The following THRB variants were observed in gnomAD, a reference collection of about 807,000 sequenced individuals.
THRB encodes thyroid hormone receptor beta, also known as nuclear receptor subfamily 1 group A member 2.
In THRB, 12 loss-of-function variants were observed where a neutral mutation model predicts 47.8. That is an observed-to-expected ratio of 0.25 (90% CI 0.16 to 0.41). The LOEUF is 0.41. Among genes scored for constraint, THRB ranks in the 10% least tolerant of loss-of-function variants. THRB has a pLI of 1.00. For synonymous variants in THRB, 218 were observed against 212.2 expected (o/e 1.03, Z -0.24); for missense variants, 348 against 589.2 (o/e 0.59, Z 4.24).
chr3:24,293,363 T>A (rs1210968288), intron 3 of THRB, among the ~76,000 whole-genome samples: 1 of 152,128 alleles, frequency 6.6e-6, no homozygotes, highest in Non-Finnish European at 1.5e-5. Context: ...GAGAAAGGAA[T>A]GAAAATCAAC....
At chr3:24,442,067 C>G (rs1560195734) in intron 1 of THRB, among the ~76,000 whole-genome samples, 1 of 151,948 alleles carries the variant, frequency 6.6e-6, no homozygotes, top group African/African-American at 2.4e-5. Flanking sequence ...CTGTAGTATC[C>G]TTTTTTCAGG....
intron 1 of THRB, chr3:24,459,007 G>C (rs535963301): frequency 6.6e-6 from 1 of 151,300 alleles, no homozygotes; most frequent in South Asian, 2.1e-4. Flanking sequence ...TGTGCAGAAC[G>C]TGCAGTTTTG....
chr3:24,136,377 AATCT>A (rs1192557486), intron 8 of THRB, among the ~76,000 whole-genome samples: 4 of 152,306 alleles, frequency 2.6e-5, no homozygotes, highest in East Asian at 1.9e-4. Context: ...AACAAAAAAG[AATCT>A]ATCTATCTGT....
rs147303918 is a variant in THRB, at chr3:24,467,597, T to A, written c.-261+27055A>T. ...TAGCAGACATGAAACAAAATTAATC[T>A]CTTTGTGAATCTTCATCACAGCTCT... is the stretch of plus-strand genomic sequence containing the variant. On this transcript the variant is annotated intron_variant, in intron 1 of 10. Transcript: ENST00000646209. 7.9e-5 allele frequency among the ~76,000 whole-genome samples: 12 copies of A among 152,324 alleles called. No individual in the cohort carries two copies. The East Asian group carries it at 2.3e-3, about 29-fold the overall frequency.
intron 7 of THRB, chr3:24,143,945 TC>T: frequency 1.8e-6 from 1 of 569,450 alleles, no homozygotes; most frequent in Non-Finnish European, 3.1e-6. Context: ...CAAAACAAAG[TC>T]CCCAGAGAAC....
chr3:24,385,522 C>T (rs2066032003), intron 1 of THRB, among the ~76,000 whole-genome samples: 1 of 152,072 alleles, frequency 6.6e-6, no homozygotes, highest in East Asian at 1.9e-4. Flanking sequence ...TTGCTCCCTC[C>T]TTTTCCACCC....
chr3:24,239,579 A>G (rs2049267399), intron 3 of THRB, among the ~76,000 whole-genome samples: 2 of 152,002 alleles, frequency 1.3e-5, no homozygotes, highest in Non-Finnish European at 1.5e-5. Context: ...CTCTATCATT[A>G]TTATTTATTA....
intron 2 of THRB, among the ~76,000 whole-genome samples, chr3:24,319,570 A>G (rs2058343599): frequency 6.6e-6 from 1 of 152,246 alleles, no homozygotes; most frequent in African/African-American, 2.4e-5. Flanking sequence ...GGTATGGGGC[A>G]GGCAGTGACA....
At chr3:24,298,874 C>G (rs1385417176) in intron 2 of THRB, among the ~76,000 whole-genome samples, 1 of 152,170 alleles carries the variant, frequency 6.6e-6, no homozygotes, top group Non-Finnish European at 1.5e-5. Flanking sequence ...TTTAAAAATT[C>G]ATTCCAAAAT....
chr3:24,275,506 G>C (rs916923641), intron 3 of THRB, among the ~76,000 whole-genome samples: 5 of 152,204 alleles, frequency 3.3e-5, no homozygotes, highest in African/African-American at 1.2e-4. Flanking sequence ...TCTTCTAAGG[G>C]GAAGAGGTCA....
At chr3:24,203,158 AT>A (rs1032380994) in intron 4 of THRB, among the ~76,000 whole-genome samples, 1 of 152,234 alleles carries the variant, frequency 6.6e-6, no homozygotes, top group African/African-American at 2.4e-5. Flanking sequence ...CATGCCTGGA[AT>A]CCCAGCACTT....
chr3:24,294,450 C>T (rs2056265898), intron 3 of THRB, among the ~76,000 whole-genome samples: 1 of 152,142 alleles, frequency 6.6e-6, no homozygotes, highest in Non-Finnish European at 1.5e-5. Context: ...AAGGTATGAG[C>T]CCATGACCCA....
At chr3:24,214,503 G>T (rs1051754417) in intron 4 of THRB, among the ~76,000 whole-genome samples, 1 of 151,772 alleles carries the variant, frequency 6.6e-6, no homozygotes, top group Admixed American at 6.5e-5. Flanking sequence ...TAAAAGCTGA[G>T]AGACAAGAAG....
At chr3:24,453,934 A>G (rs939016964) in intron 1 of THRB, among the ~76,000 whole-genome samples, 5 of 152,128 alleles carry the variant, frequency 3.3e-5, no homozygotes, top group Admixed American at 3.3e-4. Context: ...GTCTCAGGGT[A>G]CTTTCTTGAC....
chr3:24,205,275 G>GCTT (rs2149780715), intron 4 of THRB, among the ~76,000 whole-genome samples: 1 of 152,314 alleles, frequency 6.6e-6, no homozygotes, highest in East Asian at 1.9e-4. Context: ...TACCCACAAA[G>GCTT]GGAAGCCCAT....
At chr3:24,474,983 C>T (rs1263702012) in intron 1 of THRB, among the ~76,000 whole-genome samples, 1 of 152,206 alleles carries the variant, frequency 6.6e-6, no homozygotes, top group African/African-American at 2.4e-5. Flanking sequence ...TTACGTGTAT[C>T]ATAAATCACA....
chr3:24,279,559 G>GT (rs1268403539), intron 3 of THRB, among the ~76,000 whole-genome samples: 12 of 79,494 alleles, frequency 1.5e-4, no homozygotes, highest in African/African-American at 3.4e-4. Flanking sequence ...TAATTTTTTT[G>GT]TATTTTTTTT....
chr3:24,343,857 C>T (rs904259926), intron 1 of THRB, among the ~76,000 whole-genome samples: 2 of 148,496 alleles, frequency 1.3e-5, no homozygotes, highest in African/African-American at 4.9e-5. Context: ...AGATCTAGTA[C>T]CAGTGAATGG....
intron 2 of THRB, among the ~76,000 whole-genome samples, chr3:24,310,081 TCCA>T (rs56661238): frequency 0.083 from 12,651 of 152,188 alleles, 526 homozygotes; most frequent in African/African-American, 0.11. Context: ...CATTGGAAGC[TCCA>T]TGTCACAATT....
Sources: allele counts gnomAD v4.1 joint callset (sites outside exome capture counted in the v4.1 genomes callset), GRCh38; gene constraint gnomAD v4.1.1; transcripts MANE v1.5; gene names NCBI Gene and HGNC (gene_info 2026-07-23, HGNC 2026-07-21).